CACUL1: variants seen among roughly 807,000 people sequenced by gnomAD.
CACUL1 encodes CDK2 associated cullin domain 1, also known as CDK2-associated and cullin domain-containing protein 1.
A neutral mutation model predicts 45.2 loss-of-function variants in CACUL1; 13 were observed. The observed-to-expected ratio is 0.29, with a 90% CI of 0.19 to 0.46. The LOEUF is 0.46. Among genes scored for constraint, CACUL1 ranks in the 20% least tolerant of loss-of-function variants. The probability of loss-of-function intolerance (pLI) is 1.00; values close to 1 mark genes in which losing one functional copy is unlikely to be tolerated. For synonymous variants in CACUL1, 197 were observed against 174.2 expected (o/e 1.13, Z -1.03); for missense variants, 421 against 471.4 (o/e 0.89, Z 0.99).
At position 118,679,124 on chromosome 10, in the gene CACUL1, C is replaced by G. The variant is rs895239814; in HGVS notation, c.*7004G>C. The G allele has an allele frequency of 2.6e-5, 4 of 152,196 alleles. No homozygotes were observed. The highest frequency in any genetic ancestry group is 2.0e-4 in the Admixed American group (3 of 15,280). The allele number at this position is 152,196 out of a possible 1,614,324, so 9.4% of individuals were successfully genotyped here. Reference sequence around the variant, plus strand: ...TCATAGCTCAATGCAGCCTCAAACTCCTGGGCTCAAGCAATCCTCCTGCCT... The same window carrying G: ...TCATAGCTCAATGCAGCCTCAAACTGCTGGGCTCAAGCAATCCTCCTGCCT... On this transcript the variant is annotated 3_prime_UTR_variant, in exon 9 of 9. Coordinates refer to ENST00000369151, the MANE Select transcript of CACUL1 (RefSeq NM_153810.5).
At chr10:118,720,882 G>A (rs1054187100) in intron 3 of CACUL1, among the ~76,000 whole-genome samples, 2 of 152,180 alleles carry the variant, frequency 1.3e-5, no homozygotes, top group Non-Finnish European at 2.9e-5. Flanking sequence ...TCCTGGGTTT[G>A]CCATGACAAC....
chr10:118,708,122 T>C (rs990843850), intron 3 of CACUL1, among the ~76,000 whole-genome samples: 2 of 122,652 alleles, frequency 1.6e-5, no homozygotes, highest in African/African-American at 6.3e-5. Flanking sequence ...CACTCCAGCC[T>C]GGGTGACAGA....
chr10:118,688,311 G>A (rs1026170974), intron 7 of CACUL1, among the ~76,000 whole-genome samples: 3 of 152,298 alleles, frequency 2.0e-5, no homozygotes, highest in Admixed American at 6.5e-5. Flanking sequence ...AGTGTCTTCC[G>A]TTGTTATTCA....
intron 1 of CACUL1, among the ~76,000 whole-genome samples, chr10:118,734,551 A>G (rs572160001): frequency 1.3e-5 from 2 of 152,338 alleles, no homozygotes; most frequent in East Asian, 1.9e-4. Context: ...CTATTTAAAG[A>G]AGGCACTACA....
intron 3 of CACUL1, 68 bp downstream of exon 3, chr10:118,729,227 T>C (rs2119640053): frequency 2.1e-6 from 2 of 964,268 alleles, no homozygotes; most frequent in Non-Finnish European, 3.3e-6. Context: ...AAATGTGTAT[T>C]AGAAAAGCTA....
At chr10:118,701,788 G>A (rs936702689) in intron 4 of CACUL1, among the ~76,000 whole-genome samples, 3 of 152,180 alleles carry the variant, frequency 2.0e-5, no homozygotes, top group Non-Finnish European at 2.9e-5. Flanking sequence ...AAAGCAGGCT[G>A]TGGACATGCA....
At chr10:118,728,317 C>CG (rs1554896642) in intron 3 of CACUL1, among the ~76,000 whole-genome samples, 1 of 140,814 alleles carries the variant, frequency 7.1e-6, no homozygotes, top group Non-Finnish European at 1.5e-5. Context: ...AGTGACTTTT[C>CG]TTTTTTTTTT....
In CACUL1 at chr10:118,681,052, C is replaced by T. The variant is rs1001925826; in HGVS notation, c.*5076G>A. 6.6e-6 allele frequency: 1 copy of T among 152,172 alleles called. No homozygotes were observed. Among genetic ancestry groups the T allele is most frequent in the Non-Finnish European group, 1.5e-5 (1 of 68,032 alleles). The allele number at this position is 152,172 out of a possible 1,614,324, so 9.4% of individuals were successfully genotyped here. A position where few individuals can be genotyped will look rare whatever the true frequency, so the allele number is the denominator to read the frequency against. On this transcript the variant is annotated 3_prime_UTR_variant, in exon 9 of 9. Coordinates refer to ENST00000369151, the MANE Select transcript of CACUL1 (RefSeq NM_153810.5). ...TAGAGTGAAAGTATATGCCCTAATACAGAAGGAGTGATTCAGAACCCACCA... is the reference window on the plus strand; with the variant it reads ...TAGAGTGAAAGTATATGCCCTAATATAGAAGGAGTGATTCAGAACCCACCA...
chr10:118,700,825 G>C (rs1020776034), intron 5 of CACUL1, among the ~76,000 whole-genome samples: 2 of 152,022 alleles, frequency 1.3e-5, no homozygotes, highest in South Asian at 2.1e-4. Flanking sequence ...ATTCACAGGA[G>C]AGAAAACTCA....
At chr10:118,698,191 G>T (rs552415644) in intron 5 of CACUL1, among the ~76,000 whole-genome samples, 42 of 151,196 alleles carry the variant, frequency 2.8e-4, no homozygotes, top group African/African-American at 9.0e-4. Context: ...CTGTAGCCAG[G>T]CTGGAGTGCA....
At position 118,686,122 on chromosome 10, in the gene CACUL1, C is replaced by T; in HGVS notation, c.*6G>A. The T allele has an allele frequency of 2.5e-6, 4 of 1,608,790 alleles. No homozygotes were observed. Among genetic ancestry groups the T allele is most frequent in the Non-Finnish European group, 3.4e-6 (4 of 1,175,266 alleles). On this transcript the variant is annotated 3_prime_UTR_variant, in exon 9 of 9. Transcript: ENST00000369151. ...TTCAGGAAGGAAAGCATATTCAATA[C>T]ATTCACTATCTGTACCCCCTGGAAC... is the stretch of plus-strand genomic sequence containing the variant.
rs1258243556 is a variant in CACUL1, at chr10:118,680,064, G to A, written c.*6064C>T. On this transcript the variant is annotated 3_prime_UTR_variant, in exon 9 of 9. Coordinates refer to ENST00000369151, the MANE Select transcript of CACUL1 (RefSeq NM_153810.5). The stretch of plus-strand genomic sequence containing the variant: ...GGAGAGGGCTTAATAAAGGAAAACA[G>A]ATTAAAAAAAAAACCTACTCAAGAC... 3.3e-5 allele frequency: 5 copies of A among 151,430 alleles called. No individual in the cohort carries two copies. The highest frequency in any genetic ancestry group is 5.9e-5 in the Non-Finnish European group (4 of 67,854). The allele number at this position is 151,430 out of a possible 1,614,324, so 9.4% of individuals were successfully genotyped here. A position where few individuals can be genotyped will look rare whatever the true frequency, so the allele number is the denominator to read the frequency against.
chr10:118,748,298 G>T (rs66663213), intron 1 of CACUL1, among the ~76,000 whole-genome samples: 29,163 of 151,976 alleles, frequency 0.19, 3,404 homozygotes, highest in African/African-American at 0.3. Context: ...AACATCTCCC[G>T]CTAGACAAAG....
chr10:118,695,947 CAAAG>C (rs1845317960), intron 5 of CACUL1, among the ~76,000 whole-genome samples: 4 of 152,144 alleles, frequency 2.6e-5, no homozygotes, highest in Admixed American at 1.3e-4. Flanking sequence ...TAATTTATCT[CAAAG>C]AGCTGCATTT....
chr10:118,716,198 C>T (rs1351337278), intron 3 of CACUL1, among the ~76,000 whole-genome samples: 9 of 150,594 alleles, frequency 6.0e-5, no homozygotes, highest in Admixed American at 6.0e-4. Context: ...CGCCACTGCA[C>T]TCCAGCCTGG....
intron 3 of CACUL1, among the ~76,000 whole-genome samples, chr10:118,715,544 T>C (rs540309434): frequency 6.6e-6 from 1 of 152,350 alleles, no homozygotes; most frequent in East Asian, 1.9e-4. Context: ...CTGGCCACGT[T>C]TGGCTATTGA....
In CACUL1 at chr10:118,742,111, C is replaced by A. The variant is rs571990348; in HGVS notation, c.368-11701G>T. On this transcript the variant is annotated intron_variant, in intron 1 of 8. Coordinates refer to ENST00000369151, the MANE Select transcript of CACUL1 (RefSeq NM_153810.5). The stretch of plus-strand genomic sequence containing the variant: ...TATCACCTCCCACATTCAACTGTGT[C>A]TCTTCATTACCAGAGGCTAAAATAT... Among the ~76,000 whole-genome samples the A allele has an allele frequency of 2.6e-5, 4 of 152,322 alleles. No individual in the cohort carries two copies. In the South Asian group the frequency reaches 8.3e-4, roughly 32 times the overall value.
At chr10:118,693,490 C>T in intron 6 of CACUL1, 1 of 253,584 alleles carries the variant, frequency 3.9e-6, no homozygotes, top group Admixed American at 4.6e-5. Flanking sequence ...AGTATAAATC[C>T]TATTACAAGA....
At chr10:118,708,009 G>T (rs184802123) in intron 3 of CACUL1, among the ~76,000 whole-genome samples, 3 of 151,818 alleles carry the variant, frequency 2.0e-5, no homozygotes, top group East Asian at 1.9e-4. Context: ...TTAGCCAGGT[G>T]GGGGTGGCAG....
Sources: gnomAD v4.1 joint callset for allele counts (sites outside exome capture counted in the v4.1 genomes callset) on GRCh38, gnomAD v4.1.1 for gene constraint, MANE v1.5 for transcripts, NCBI Gene and HGNC (gene_info 2026-07-23, HGNC 2026-07-21) for gene names.